DGKB: variants seen among roughly 807,000 people sequenced by gnomAD.
DGKB encodes 90 kDa diacylglycerol kinase.
A neutral mutation model predicts 114.3 loss-of-function variants in DGKB; 67 were observed. The ratio of observed to expected loss-of-function variants is 0.59; its 90% confidence interval spans 0.48 to 0.72. The LOEUF is 0.72. Among genes scored for constraint, DGKB ranks in the 30% least tolerant of loss-of-function variants. DGKB has a pLI of 0.00. For missense variants in DGKB, 907 were observed against 975.2 expected (o/e 0.93, Z 0.93); for synonymous variants, 398 against 323.1 (o/e 1.23, Z -2.49).
At chr7:14,597,529 A>G (rs1164785593) in intron 17 of DGKB, among the ~76,000 whole-genome samples, 1 of 152,124 alleles carries the variant, frequency 6.6e-6, no homozygotes, top group East Asian at 1.9e-4. Context: ...ACTTGTCTTG[A>G]TTACGAAGAA....
At chr7:14,893,601 C>T (rs371975097) in intron 1 of DGKB, among the ~76,000 whole-genome samples, 6 of 151,254 alleles carry the variant, frequency 4.0e-5, no homozygotes, top group East Asian at 1.9e-4. Context: ...AGTTCGTTGC[C>T]GTTATCTCTT....
At chr7:14,545,152 G>T (rs1198857056) in intron 20 of DGKB, among the ~76,000 whole-genome samples, 4 of 151,274 alleles carry the variant, frequency 2.6e-5, no homozygotes, top group Non-Finnish European at 4.4e-5. Context: ...ATGCATCTAT[G>T]CTGTGATAAC....
chr7:14,459,621 G>A (rs903520592), intron 21 of DGKB, among the ~76,000 whole-genome samples: 5 of 152,130 alleles, frequency 3.3e-5, no homozygotes, highest in African/African-American at 9.7e-5. Flanking sequence ...CCAAACCTAC[G>A]TTTGAATGGT....
intron 20 of DGKB, among the ~76,000 whole-genome samples, chr7:14,555,078 G>A (rs1191694533): frequency 6.6e-6 from 1 of 152,070 alleles, no homozygotes; most frequent in African/African-American, 2.4e-5. Context: ...TCTAATATAA[G>A]TGTATTGCTT....
At chr7:14,310,119 T>A (rs1805126441) in intron 23 of DGKB, among the ~76,000 whole-genome samples, 1 of 152,166 alleles carries the variant, frequency 6.6e-6, no homozygotes, top group African/African-American at 2.4e-5. Flanking sequence ...GTATTGAGCA[T>A]GCCTGAGAAA....
At chr7:14,379,841 AGCG>A in intron 21 of DGKB, among the ~76,000 whole-genome samples, 2 of 150,300 alleles carry the variant, frequency 1.3e-5, no homozygotes, top group Non-Finnish European at 3.0e-5. Flanking sequence ...TACAGGCGTG[AGCG>A]AGCGGGCCCG....
chr7:14,224,362 G>A lies in DGKB; in HGVS notation c.2123-46211C>T, dbSNP rs74555723. Among the ~76,000 whole-genome samples, 173 of 151,966 alleles carry A rather than the reference G, an allele frequency of 1.1e-3. 2 individuals are homozygous for A. In the East Asian group the frequency reaches 0.012, roughly 10 times the overall value. Reference sequence around the variant, plus strand: ...AATAGTTTCTATTTTTATGTATAATGTATTGATAGCATTTATTTGCTGTGT... The same window carrying A: ...AATAGTTTCTATTTTTATGTATAATATATTGATAGCATTTATTTGCTGTGT... On this transcript the variant is annotated intron_variant, in intron 23 of 25. Coordinates refer to ENST00000402815, the MANE Select transcript of DGKB (RefSeq NM_001350709.2).
At chr7:14,165,994 C>G (rs1784559496) in intron 25 of DGKB, among the ~76,000 whole-genome samples, 1 of 152,196 alleles carries the variant, frequency 6.6e-6, no homozygotes, top group African/African-American at 2.4e-5. Flanking sequence ...GAACTGCTGA[C>G]AATTTCAGCA....
chr7:14,788,338 C>T (rs527330114), intron 2 of DGKB, among the ~76,000 whole-genome samples: 1 of 152,210 alleles, frequency 6.6e-6, no homozygotes, highest in African/African-American at 2.4e-5. Context: ...TCCACCAAAG[C>T]CTTGTCTATT....
chr7:14,435,511 A>G (rs748090351), intron 21 of DGKB, among the ~76,000 whole-genome samples: 2 of 152,140 alleles, frequency 1.3e-5, no homozygotes, highest in Non-Finnish European at 2.9e-5. Context: ...TGAGTATAGT[A>G]AATGATCATA....
At chr7:14,512,143 C>G (rs1469185917) in intron 20 of DGKB, among the ~76,000 whole-genome samples, 1 of 152,142 alleles carries the variant, frequency 6.6e-6, no homozygotes, top group African/African-American at 2.4e-5. Flanking sequence ...CATAGACCTT[C>G]AATTTATAAA....
chr7:14,428,104 T>G (rs1032190816), intron 21 of DGKB, among the ~76,000 whole-genome samples: 1 of 152,118 alleles, frequency 6.6e-6, no homozygotes, highest in African/African-American at 2.4e-5. Context: ...TCAGAAATAA[T>G]AGGCAATTAT....
chr7:14,953,363 A>G (rs1786315688), intron 1 of DGKB, among the ~76,000 whole-genome samples: 1 of 152,138 alleles, frequency 6.6e-6, no homozygotes, highest in African/African-American at 2.4e-5. Context: ...CAATAATAAA[A>G]GACTGATCAT....
At chr7:14,942,631 C>T (rs535494146) in intron 1 of DGKB, among the ~76,000 whole-genome samples, 22 of 152,056 alleles carry the variant, frequency 1.4e-4, no homozygotes, top group Admixed American at 8.5e-4. Flanking sequence ...CAGTTTAAAG[C>T]GCTCCGGCTC....
intron 23 of DGKB, among the ~76,000 whole-genome samples, chr7:14,230,030 G>A (rs1186253699): frequency 5.5e-4 from 83 of 151,878 alleles, no homozygotes; most frequent in Non-Finnish European, 2.1e-4. Flanking sequence ...AAAAAGAGTT[G>A]GTCTTTGGAA....
At chr7:14,508,117 T>C (rs920292457) in intron 20 of DGKB, among the ~76,000 whole-genome samples, 3 of 152,272 alleles carry the variant, frequency 2.0e-5, no homozygotes, top group Middle Eastern at 6.8e-3. Context: ...ATATTAGTTA[T>C]GAATAAAGGA....
At chr7:14,327,867 A>G (rs915572883) in intron 23 of DGKB, among the ~76,000 whole-genome samples, 1 of 152,144 alleles carries the variant, frequency 6.6e-6, no homozygotes, top group African/African-American at 2.4e-5. Flanking sequence ...TTTTTGCTCA[A>G]TTACTTACTA....
chr7:14,786,901 G>A (rs1839982495), intron 2 of DGKB, among the ~76,000 whole-genome samples: 1 of 148,434 alleles, frequency 6.7e-6, no homozygotes, highest in South Asian at 2.1e-4. Context: ...CAGATGACGG[G>A]GTGACTGCCT....
rs1472147285 is a variant in DGKB, at chr7:14,769,115, AAGAAAGAAAG to A, written c.71-11394_71-11385del. On this transcript the variant is annotated intron_variant, in intron 2 of 25. Coordinates refer to ENST00000402815, the MANE Select transcript of DGKB (RefSeq NM_001350709.2). ...AAAGAAAGAAAGAAAGAAAGAAAGA[AAGAAAGAAAG>A]AGAGAGAGAGAAAGAAAGAAAGAAA... 7.2e-5 allele frequency among the ~76,000 whole-genome samples: 9 copies of A among 125,032 alleles called. No individual in the cohort carries two copies. In the South Asian group the frequency reaches 1.7e-3, roughly 24 times the overall value. 82.0% of individuals were successfully genotyped at this position (125,032 alleles called of 152,430 possible).
Sources: gnomAD v4.1 joint callset for allele counts (sites outside exome capture counted in the v4.1 genomes callset) on GRCh38, gnomAD v4.1.1 for gene constraint, MANE v1.5 for transcripts, NCBI Gene and HGNC (gene_info 2026-07-23, HGNC 2026-07-21) for gene names.